The following MCTP1 variants were observed in gnomAD, a reference collection of about 807,000 sequenced individuals.
MCTP1 encodes the protein multiple C2 and transmembrane domain containing 1.
A neutral mutation model predicts 120.6 loss-of-function variants in MCTP1; 69 were observed. The ratio of observed to expected loss-of-function variants is 0.57; its 90% CI spans 0.47 to 0.70. MCTP1 has a LOEUF of 0.70. MCTP1 is among the 30% of genes least tolerant of loss of function. The probability of loss-of-function intolerance (pLI) is 0.00; values close to 1 mark genes in which losing one functional copy is unlikely to be tolerated. For missense variants in MCTP1, 1,203 were observed against 1,248.8 expected (o/e 0.96, Z 0.55); for synonymous variants, 529 against 493.1 (o/e 1.07, Z -0.96).
chr5:95,054,481 C>A (rs1393631203), intron 1 of MCTP1, among the ~76,000 whole-genome samples: 2 of 152,182 alleles, frequency 1.3e-5, no homozygotes, highest in African/African-American at 4.8e-5. Context: ...TCTGAGATGT[C>A]TGAGGACTGA....
At chr5:95,081,888 T>G in intron 1 of MCTP1, 14 of 938,546 alleles carry the variant, frequency 1.5e-5, no homozygotes, top group Non-Finnish European at 1.7e-5. Flanking sequence ...CAACAGGAAA[T>G]GAGAATAACA....
chr5:94,903,382 C>T (rs1298372981), intron 10 of MCTP1, among the ~76,000 whole-genome samples: 1 of 152,096 alleles, frequency 6.6e-6, no homozygotes, highest in Admixed American at 6.5e-5. Context: ...ATTAAGAAAA[C>T]ATTAGTTTGG....
At chr5:94,875,667 T>C (rs1798708123) in intron 12 of MCTP1, among the ~76,000 whole-genome samples, 1 of 100,474 alleles carries the variant, frequency 1.0e-5, no homozygotes, top group Non-Finnish European at 2.5e-5. Context: ...GATTTGCAGA[T>C]GTCAATATTT....
At chr5:94,950,095 GA>G (rs920553038) in intron 3 of MCTP1, among the ~76,000 whole-genome samples, 5 of 150,938 alleles carry the variant, frequency 3.3e-5, no homozygotes, top group Admixed American at 6.6e-5. Context: ...AAAATCAACT[GA>G]AAAAAAATAG....
intron 14 of MCTP1, 136 bp from the exon 15 acceptor site, chr5:94,871,109 C>A: frequency 1.3e-6 from 1 of 745,868 alleles, no homozygotes; most frequent in South Asian, 1.7e-5. Flanking sequence ...AGTACCTGTT[C>A]ATTACCAGGA....
chr5:95,272,522 G>A (rs914838719), intron 1 of MCTP1, among the ~76,000 whole-genome samples: 3 of 152,174 alleles, frequency 2.0e-5, no homozygotes, highest in African/African-American at 7.2e-5. Flanking sequence ...TCCTCTCATG[G>A]CAAATTCCAT....
At chr5:94,846,700 A>G (rs1483043793) in intron 17 of MCTP1, among the ~76,000 whole-genome samples, 2 of 152,088 alleles carry the variant, frequency 1.3e-5, no homozygotes, top group African/African-American at 4.8e-5. Flanking sequence ...TTGAGTCACC[A>G]TGCCTCTGCC....
At chr5:94,948,006 A>C (rs913247928) in intron 3 of MCTP1, among the ~76,000 whole-genome samples, 1 of 152,164 alleles carries the variant, frequency 6.6e-6, no homozygotes, top group Admixed American at 6.5e-5. Flanking sequence ...CCTACTTAGC[A>C]ACAGTGTCCA....
rs1391941181 is a variant in MCTP1, at chr5:94,929,527, G to A, written c.1212+2426C>T. ...ATAAAAAACGAAAAATCTGTACTCAGACAAGAATTTTTAAGAAGATTGAAA... is the reference window on the plus strand; with the variant it reads ...ATAAAAAACGAAAAATCTGTACTCAAACAAGAATTTTTAAGAAGATTGAAA... On this transcript the variant is annotated intron_variant, in intron 6 of 22. Coordinates refer to ENST00000515393, the MANE Select transcript of MCTP1 (RefSeq NM_024717.7). The A allele has an allele frequency of 1.6e-5, 9 of 571,966 alleles. No homozygotes were observed. The East Asian group carries it at 1.3e-3, about 82-fold the overall frequency. 35.4% of individuals were successfully genotyped at this position (571,966 alleles called of 1,614,324 possible). A position where few individuals can be genotyped will look rare whatever the true frequency, so the allele number is the denominator to read the frequency against.
At chr5:94,906,172 C>T (rs1806846000) in intron 10 of MCTP1, among the ~76,000 whole-genome samples, 1 of 151,958 alleles carries the variant, frequency 6.6e-6, no homozygotes, top group Non-Finnish European at 1.5e-5. Flanking sequence ...AAATGCCTGA[C>T]TATATTAGTT....
intron 3 of MCTP1, among the ~76,000 whole-genome samples, chr5:94,944,516 G>C (rs901850460): frequency 6.6e-6 from 1 of 152,106 alleles, no homozygotes; most frequent in Non-Finnish European, 1.5e-5. Context: ...AATCTTGGGG[G>C]AGAAAATAGG....
At chr5:94,867,423 A>T (rs943399876) in intron 17 of MCTP1, 1 of 1,111,728 alleles carries the variant, frequency 9.0e-7, no homozygotes, top group African/African-American at 1.5e-5. Flanking sequence ...ACAGATGTGC[A>T]TACACTCATT....
Position 94,914,984 on chromosome 5 carries a change from A to G in MCTP1, c.1351-2008T>C, listed in dbSNP as rs541506426. Among the ~76,000 whole-genome samples the G allele has an allele frequency of 2.0e-5, 3 of 152,340 alleles. No individual in the cohort carries two copies. The East Asian group carries it at 5.8e-4, about 29-fold the overall frequency. On this transcript the variant is annotated intron_variant, in intron 8 of 22. Transcript: ENST00000515393. ...TGCCTCTAACAGCAGACTCTAGAGA[A>G]TTGGGTTTTAAACTTTGGACTGGAA... is the stretch of plus-strand genomic sequence containing the variant.
intron 1 of MCTP1, among the ~76,000 whole-genome samples, chr5:95,018,984 T>C (rs981569213): frequency 6.6e-6 from 1 of 152,044 alleles, no homozygotes; most frequent in Non-Finnish European, 1.5e-5. Context: ...CACATACATA[T>C]AGGTTTGGTT....
At chr5:95,280,081 CA>C (rs1203660634) in intron 1 of MCTP1, among the ~76,000 whole-genome samples, 1 of 152,176 alleles carries the variant, frequency 6.6e-6, no homozygotes, top group Non-Finnish European at 1.5e-5. Context: ...TTGCAAAAAT[CA>C]ACCCAAGTCA....
chr5:94,722,415 T>C (rs779666584), intron 19 of MCTP1, among the ~76,000 whole-genome samples: 14 of 152,188 alleles, frequency 9.2e-5, no homozygotes, highest in Non-Finnish European at 1.6e-4. Context: ...AAGTTATCTG[T>C]TGAACACCTG....
chr5:95,128,765 A>G (rs745648718), intron 1 of MCTP1, among the ~76,000 whole-genome samples: 40 of 152,338 alleles, frequency 2.6e-4, no homozygotes, highest in Admixed American at 2.6e-4. Context: ...TGTGCGATCA[A>G]TGCACGACTC....
At chr5:94,788,048 C>T (rs1778128337) in intron 18 of MCTP1, among the ~76,000 whole-genome samples, 1 of 152,160 alleles carries the variant, frequency 6.6e-6, no homozygotes. Context: ...AAAGATACAG[C>T]GGTAACTCTT....
At chr5:94,770,578 C>T (rs1773831135) in intron 19 of MCTP1, among the ~76,000 whole-genome samples, 1 of 152,178 alleles carries the variant, frequency 6.6e-6, no homozygotes, top group African/African-American at 2.4e-5. Context: ...CCAACTGCCA[C>T]TTTGGAGGGA....
Sources: gnomAD v4.1 joint callset for allele counts (sites outside exome capture counted in the v4.1 genomes callset) on GRCh38, gnomAD v4.1.1 for gene constraint, MANE v1.5 for transcripts, NCBI Gene and HGNC (gene_info 2026-07-23, HGNC 2026-07-21) for gene names.